The following STARD10 variants were observed in gnomAD, a reference collection of about 807,000 sequenced individuals.
STARD10 encodes StAR related lipid transfer domain containing 10, also known as START domain-containing protein 10.
STARD10 carries 24 observed loss-of-function variants against 36.0 expected under a neutral mutation model. The ratio of observed to expected loss-of-function variants is 0.67; its 90% CI spans 0.48 to 0.94. The LOEUF (loss-of-function observed/expected upper bound fraction) is 0.94. Among genes scored for constraint, STARD10 ranks in the 40% least tolerant of loss-of-function variants. The probability of loss-of-function intolerance (pLI) is 0.00; values close to 1 mark genes in which losing one functional copy is unlikely to be tolerated. For missense variants in STARD10, 335 were observed against 396.6 expected (o/e 0.84, Z 1.32); for synonymous variants, 156 against 161.9 (o/e 0.96, Z 0.28).
chr11:72,791,876 T>C (rs1859147484), intron 1 of STARD10, among the ~76,000 whole-genome samples: 1 of 151,768 alleles, frequency 6.6e-6, no homozygotes. Flanking sequence ...TGTTTTGTTT[T>C]GTTTTGTTTT....
chr11:72,761,319 G>A (rs974578472), intron 2 of STARD10, among the ~76,000 whole-genome samples: 2 of 152,204 alleles, frequency 1.3e-5, no homozygotes, highest in Non-Finnish European at 2.9e-5. Context: ...CATGTAAAGT[G>A]TGTCTCTGCA....
intron 2 of STARD10, among the ~76,000 whole-genome samples, chr11:72,774,777 G>T (rs1858909423): frequency 6.6e-6 from 1 of 152,238 alleles, no homozygotes; most frequent in Non-Finnish European, 1.5e-5. Flanking sequence ...AGGCCCCGGA[G>T]CCCCACAGAG....
intron 2 of STARD10, among the ~76,000 whole-genome samples, chr11:72,768,763 G>A (rs554434014): frequency 3.9e-5 from 6 of 152,180 alleles, no homozygotes; most frequent in Non-Finnish European, 5.9e-5. Flanking sequence ...CTCAGCATGC[G>A]TTGTCATGCA....
intron 2 of STARD10, among the ~76,000 whole-genome samples, chr11:72,768,634 T>C (rs964743430): frequency 3.3e-5 from 5 of 151,984 alleles, no homozygotes; most frequent in Non-Finnish European, 5.9e-5. Context: ...ATGTCTTCAA[T>C]ATGTCTTCAA....
intron 2 of STARD10, chr11:72,780,693 C>T: frequency 2.0e-6 from 1 of 499,902 alleles, no homozygotes; most frequent in Non-Finnish European, 3.7e-6. Flanking sequence ...CTAGAAGGGC[C>T]TGGCAGCAGC....
chr11:72,760,177 AG>A (rs1484598238), intron 2 of STARD10, among the ~76,000 whole-genome samples: 3 of 152,070 alleles, frequency 2.0e-5, no homozygotes, highest in Admixed American at 1.3e-4. Context: ...CTGGGATTAC[AG>A]GTGTCAGCCA....
At chr11:72,770,487 G>C (rs527606254) in intron 2 of STARD10, among the ~76,000 whole-genome samples, 7 of 152,184 alleles carry the variant, frequency 4.6e-5, no homozygotes, top group Non-Finnish European at 1.0e-4. Context: ...CAAAGTGTTA[G>C]GATTACAGGC....
chr11:72,780,276 A>G, intron 2 of STARD10: 3 of 394,124 alleles, frequency 7.6e-6, no homozygotes, highest in Non-Finnish European at 1.6e-5. Flanking sequence ...TGGGAAGAGC[A>G]GGGGAGATGG....
intron 1 of STARD10, among the ~76,000 whole-genome samples, chr11:72,785,560 CAAAAAAAAA>C (rs869274892): frequency 7.2e-5 from 3 of 41,558 alleles, no homozygotes; most frequent in Non-Finnish European, 1.3e-4. Flanking sequence ...GGCTCTGTCT[CAAAAAAAAA>C]AAAAAAAAAA....
intron 1 of STARD10, among the ~76,000 whole-genome samples, chr11:72,788,537 T>C (rs1206658507): frequency 6.6e-6 from 1 of 151,820 alleles, no homozygotes; most frequent in African/African-American, 2.4e-5. Context: ...GATGTACTTA[T>C]AGTAAAAATG....
At chr11:72,761,917 CTTTT>C (rs1189000490) in intron 2 of STARD10, among the ~76,000 whole-genome samples, 8 of 37,480 alleles carry the variant, frequency 2.1e-4, no homozygotes, top group Non-Finnish European at 3.3e-4. Flanking sequence ...CTTTTCTTTT[CTTTT>C]TTTTTTTTTT....
At chr11:72,780,858 A>T in intron 2 of STARD10, 117 bp downstream of exon 2, 1 of 1,095,656 alleles carries the variant, frequency 9.1e-7, no homozygotes, top group Non-Finnish European at 1.4e-6. Flanking sequence ...CTGGAAGGAG[A>T]CTCTCTCTGG....
At position 72,758,526 on chromosome 11, in the gene STARD10, T is replaced by C; in HGVS notation, c.459+4A>G. On this transcript the variant is annotated splice_donor_region_variant and intron_variant, in intron 4 of 6. Transcript: ENST00000334805. Reference sequence around the variant, plus strand: ...TCCACCGCAGGGAAGGCAGGTTGACTCACGGGATGTTTGACTGAGTAGTTC... The same window carrying C: ...TCCACCGCAGGGAAGGCAGGTTGACCCACGGGATGTTTGACTGAGTAGTTC... The C allele has an allele frequency of 6.2e-7, 1 of 1,612,954 alleles. No homozygotes were observed. Among genetic ancestry groups the C allele is most frequent in the Non-Finnish European group, 8.5e-7 (1 of 1,179,150 alleles).
At chr11:72,755,275 C>A in intron 6 of STARD10, 133 bp from the exon 7 acceptor site, 1 of 994,700 alleles carries the variant, frequency 1.0e-6, no homozygotes, top group Non-Finnish European at 1.4e-6. Flanking sequence ...CCCTACTTGC[C>A]CTCCCTGGGC....
intron 1 of STARD10, among the ~76,000 whole-genome samples, chr11:72,788,238 T>C (rs1231306836): frequency 6.6e-6 from 1 of 152,220 alleles, no homozygotes; most frequent in African/African-American, 2.4e-5. Context: ...CCGATGGCAC[T>C]AATGGTCCCT....
At chr11:72,777,135 T>C (rs1417080623) in intron 2 of STARD10, among the ~76,000 whole-genome samples, 1 of 152,254 alleles carries the variant, frequency 6.6e-6, no homozygotes, top group African/African-American at 2.4e-5. Flanking sequence ...GGAGGTCACC[T>C]GGAACTGTCT....
intron 2 of STARD10, among the ~76,000 whole-genome samples, chr11:72,772,277 CT>C (rs1419918322): frequency 4.0e-5 from 6 of 151,706 alleles, no homozygotes; most frequent in Admixed American, 3.9e-4. Context: ...ACGGTTCTCC[CT>C]GTGCCCGGTG....
At chr11:72,771,806 G>T (rs1858862260) in intron 2 of STARD10, among the ~76,000 whole-genome samples, 2 of 152,132 alleles carry the variant, frequency 1.3e-5, no homozygotes, top group African/African-American at 2.4e-5. Context: ...ATCCTGGGGG[G>T]GCGAGGGGGA....
At chr11:72,780,399 G>A (rs1187665080) in intron 2 of STARD10, 2 of 451,762 alleles carry the variant, frequency 4.4e-6, no homozygotes, top group Non-Finnish European at 8.9e-6. Flanking sequence ...CAGGGGTATT[G>A]GAGCCCTGCC....
Sources: gnomAD v4.1 joint callset for allele counts (sites outside exome capture counted in the v4.1 genomes callset) on GRCh38, gnomAD v4.1.1 for gene constraint, MANE v1.5 for transcripts, NCBI Gene and HGNC (gene_info 2026-07-23, HGNC 2026-07-21) for gene names.